Variants in CRLF2 observed in about 807,000 individuals in gnomAD.
The protein encoded by CRLF2 is cytokine receptor-like factor 2.
CRLF2 carries 41 observed loss-of-function variants against 38.7 expected under a neutral mutation model. The ratio of observed to expected loss-of-function variants is 1.06; its 90% CI spans 0.83 to 1.37. The LOEUF (loss-of-function observed/expected upper bound fraction) is 1.37, where lower values mean the gene tolerates loss of function less well. Ranked by LOEUF, CRLF2 falls within the 40% of genes most tolerant of loss-of-function variation. The pLI, the probability that CRLF2 is intolerant of heterozygous loss-of-function variation, is 0.00. For missense variants in CRLF2, 377 were observed against 322.2 expected (o/e 1.17, Z -1.30); for synonymous variants, 140 against 128.8 (o/e 1.09, Z -0.59).
At chrX:1,191,634 C>A (rs1249599031) in intron 7 of CRLF2, among the ~76,000 whole-genome samples, 3 of 151,434 alleles carry the variant, frequency 2.0e-5, no homozygotes, top group African/African-American at 7.3e-5. Context: ...CCGGTTCAAG[C>A]GATTCTCCTG....
intron 4 of CRLF2, among the ~76,000 whole-genome samples, chrX:1,202,090 T>C (rs1331710091): frequency 2.0e-5 from 3 of 151,854 alleles, no homozygotes; most frequent in Admixed American, 6.6e-5. Context: ...AATAGAATGA[T>C]ATAGATACAT....
At position 1,193,224 on chromosome X, in the gene CRLF2, G is replaced by A. The variant is rs2086424181; in HGVS notation, c.846C>T (p.Asn282=). 2.0e-5 allele frequency: 8 copies of A among 398,494 alleles called. No individual in the cohort carries two copies. Among genetic ancestry groups the A allele is most frequent in the Non-Finnish European group, 3.5e-5 (8 of 226,164 alleles). The allele number at this position is 398,494 out of a possible 1,614,324, so 24.7% of individuals were successfully genotyped here. ...FPGLFEIHQG[N]FQEWITDTQN... ...ACAAGGAGAGGGCGGATACCTGGAA[G>A]TTCCCTTGGTGTATCTCAAAGAGCC... Residue 282 remains asparagine (N), a synonymous_variant, in exon 7 of 8, where the codon AAC becomes AAT. Transcript: ENST00000400841.
chrX:1,206,584 C>T lies in CRLF2; in HGVS notation c.198G>A (p.Glu66=). 2 of 1,613,424 alleles carry T rather than the reference C, an allele frequency of 1.2e-6. No individual in the cohort carries two copies. Among genetic ancestry groups the T allele is most frequent in the Non-Finnish European group, 1.7e-6 (2 of 1,179,534 alleles). ...LTFHYRFNGD[E]AYDQCTNYLL... ...GGTAGTTGGTGCACTGGTCATAGGC[C>T]TCATCACCGTTGAATCTGTGGTTTA... Residue 66 remains glutamate, a synonymous_variant, in exon 3 of 8, where the codon GAG becomes GAA. Transcript: ENST00000400841.
chrX:1,207,142 C>T (rs2086705428), intron 2 of CRLF2, among the ~76,000 whole-genome samples: 1 of 151,734 alleles, frequency 6.6e-6, no homozygotes, highest in Non-Finnish European at 1.5e-5. Flanking sequence ...GATGGGATTT[C>T]GCCATGTTGA....
chrX:1,208,969 A>C, intron 1 of CRLF2, 61 bp from the exon 2 acceptor site: 1 of 1,003,970 alleles, frequency 1.0e-6, no homozygotes, highest in Non-Finnish European at 1.5e-6. Context: ...TATTTTTTTA[A>C]ATTTATTTTT....
At chrX:1,200,332 T>C (rs2086580226) in intron 4 of CRLF2, among the ~76,000 whole-genome samples, 1 of 38,878 alleles carries the variant, frequency 2.6e-5, no homozygotes, top group Non-Finnish European at 6.0e-5. Flanking sequence ...TATATATATG[T>C]GTGTATATAA....
At chrX:1,207,668 T>C (rs1205702200) in intron 2 of CRLF2, among the ~76,000 whole-genome samples, 2 of 150,946 alleles carry the variant, frequency 1.3e-5, no homozygotes, top group African/African-American at 2.4e-5. Flanking sequence ...TTTTGTTTTG[T>C]TTTGTTTTTG....
chrX:1,195,400 C>A lies in CRLF2; in HGVS notation c.767+1380G>T, dbSNP rs1229328779. ...GCCCTCACCAAGTTGCACAGCTTACCTGGACTTCTTTAGCTTTCTTTTTGA... is the reference window on the plus strand; with the variant it reads ...GCCCTCACCAAGTTGCACAGCTTACATGGACTTCTTTAGCTTTCTTTTTGA... On this transcript the variant is annotated intron_variant, in intron 6 of 7. Coordinates refer to ENST00000400841, the MANE Select transcript of CRLF2 (RefSeq NM_022148.4). 3.7e-4 allele frequency among the ~76,000 whole-genome samples: 56 copies of A among 151,892 alleles called. 1 individual carries two copies. Among genetic ancestry groups the A allele is most frequent in the Admixed American group, 5.9e-4 (9 of 15,184 alleles).
chrX:1,191,092 G>A lies in CRLF2; in HGVS notation c.921C>T (p.Gly307=), dbSNP rs1263125476. The A allele has an allele frequency of 1.0e-5, 4 of 398,476 alleles. No individual in the cohort carries two copies. The highest frequency in any genetic ancestry group is 4.4e-5 in the Admixed American group (1 of 22,674). The allele number at this position is 398,476 out of a possible 1,614,324, so 24.7% of individuals were successfully genotyped here. ...ACTGGACTACCAGGGGCTCCTCGGG[G>A]CCACTTTCTTGCTCTGCACCTGCCA... ...HKMAGAEQES[G]PEEPLVVQLA... is the part of the protein sequence containing the mutation. The change falls in exon 8 of 8, where the codon GGC becomes GGT. Residue 307 remains glycine, a synonymous_variant. Transcript: ENST00000400841.
Position 1,206,556 on chromosome X carries a change from G to A in CRLF2, c.226C>T (p.Leu76Phe). ...CACCCCGAAGTGTGACCTTCCTGGA[G>A]AAGGTAGTTGGTGCACTGGTCATAG... Reference protein sequence around the residue: ...EAYDQCTNYLLQEGHTSGCLL... With the variant: ...EAYDQCTNYLFQEGHTSGCLL... The change falls in exon 3 of 8, where the codon CTC (leucine) becomes TTC (phenylalanine). Residue 76 changes from leucine to phenylalanine, a missense_variant. Leu to Phe is a conservative substitution (Grantham distance 22). Transcript: ENST00000400841. The A allele has an allele frequency of 6.2e-7, 1 of 1,613,640 alleles. No homozygotes were observed. The highest frequency in any genetic ancestry group is 2.2e-5 in the East Asian group (1 of 44,888).
chrX:1,200,284 G>GTA (rs1556420375), intron 4 of CRLF2, among the ~76,000 whole-genome samples: 2 of 148,588 alleles, frequency 1.3e-5, no homozygotes, highest in African/African-American at 5.0e-5. Flanking sequence ...ATATATATGT[G>GTA]TATATATACG....
chrX:1,191,588 A>G (rs1208082106), intron 7 of CRLF2, among the ~76,000 whole-genome samples: 9 of 151,302 alleles, frequency 5.9e-5, no homozygotes, highest in Non-Finnish European at 8.8e-5. Context: ...CTGGAGTGCA[A>G]CGGCGTGATC....
rs756815530 is a variant in CRLF2 at position 1,196,782 on chromosome X, C to G, written c.765G>C (p.Trp255Cys). 10 of 1,613,320 alleles carry G rather than the reference C, an allele frequency of 6.2e-6. No individual in the cohort carries two copies. In the Admixed American group the frequency reaches 1.7e-4, roughly 27 times the overall value. The change falls in exon 6 of 8, where the codon TGG becomes TGC. Residue 255 changes from tryptophan to cysteine, a missense_variant and splice_region_variant. Coordinates refer to ENST00000400841, the MANE Select transcript of CRLF2 (RefSeq NM_022148.4). ...SLLLLSLWKLWRVKKFLIPSV... is the reference protein window; with the variant it reads ...SLLLLSLWKLCRVKKFLIPSV... ...CGGGCGGCAGGAGTCATCCTTACCT[C>G]CATAATTTCCATAAAGACAGAAGGA...
At chrX:1,194,511 C>T (rs1381853583) in intron 6 of CRLF2, among the ~76,000 whole-genome samples, 4 of 152,036 alleles carry the variant, frequency 2.6e-5, no homozygotes, top group South Asian at 2.1e-4. Context: ...CAGTGAGCCA[C>T]GTCCTGTGCA....
At chrX:1,202,063 A>T (rs1217184164) in intron 4 of CRLF2, among the ~76,000 whole-genome samples, 6 of 152,144 alleles carry the variant, frequency 3.9e-5, no homozygotes, top group Non-Finnish European at 7.3e-5. Context: ...GATAGATGAT[A>T]GATTGAAAGA....
intron 6 of CRLF2, among the ~76,000 whole-genome samples, chrX:1,194,978 G>A (rs2086452180): frequency 6.6e-6 from 1 of 152,024 alleles, no homozygotes; most frequent in Non-Finnish European, 1.5e-5. Flanking sequence ...GTGGCAGTGA[G>A]CCGAGATCAT....
At chrX:1,192,951 T>C (rs1163324640) in intron 7 of CRLF2, among the ~76,000 whole-genome samples, 1 of 151,270 alleles carries the variant, frequency 6.6e-6, no homozygotes, top group Non-Finnish European at 1.5e-5. Context: ...GTCGCTGGGA[T>C]TACAGGAGTG....
chrX:1,200,001 G>T (rs191927950), intron 4 of CRLF2, among the ~76,000 whole-genome samples: 1 of 151,244 alleles, frequency 6.6e-6, no homozygotes, highest in Non-Finnish European at 1.5e-5. Flanking sequence ...ATATATATGT[G>T]TATATAAGCT....
chrX:1,206,670 C>T, intron 2 of CRLF2, 71 bp from the exon 3 acceptor site: 1 of 1,479,876 alleles, frequency 6.8e-7, no homozygotes, highest in South Asian at 1.2e-5. Context: ...GAGATGGGGT[C>T]TTGCTCTTGT....
Sources: gnomAD v4.1 joint callset for allele counts (sites outside exome capture counted in the v4.1 genomes callset) on GRCh38, gnomAD v4.1.1 for gene constraint, MANE v1.5 for transcripts, NCBI Gene and HGNC (gene_info 2026-07-23, HGNC 2026-07-21) for gene names.